VTCN1: variants seen among roughly 807,000 people sequenced by gnomAD.
VTCN1 encodes the protein V-set domain containing T cell activation inhibitor 1.
VTCN1 carries 26 observed loss-of-function variants against 26.5 expected under a neutral mutation model. That is an observed-to-expected ratio of 0.98 (90% CI 0.72 to 1.36). The LOEUF (loss-of-function observed/expected upper bound fraction) is 1.36, where lower values mean the gene tolerates loss of function less well. Ranked by LOEUF, VTCN1 falls within the 40% of genes most tolerant of loss-of-function variation. The probability of loss-of-function intolerance (pLI) is 0.00; values close to 1 mark genes in which losing one functional copy is unlikely to be tolerated. For missense variants in VTCN1, 298 were observed against 337.7 expected (o/e 0.88, Z 0.92); for synonymous variants, 116 against 130.7 (o/e 0.89, Z 0.77).
chr1:117,182,141 G>A (rs1308777128), intron 1 of VTCN1, among the ~76,000 whole-genome samples: 4 of 152,124 alleles, frequency 2.6e-5, no homozygotes, highest in East Asian at 1.9e-4. Context: ...TTCTCTCTAC[G>A]AAAGCCCATA....
chr1:117,156,395 T>C (rs1652069715), intron 3 of VTCN1, among the ~76,000 whole-genome samples, 179 bp downstream of exon 3: 1 of 152,240 alleles, frequency 6.6e-6, no homozygotes. Context: ...GCCTCTCTTA[T>C]AGTTGGCTAC....
At chr1:117,152,312 A>G (rs1251246976) in intron 4 of VTCN1, among the ~76,000 whole-genome samples, 1 of 152,190 alleles carries the variant, frequency 6.6e-6, no homozygotes, top group Non-Finnish European at 1.5e-5. Flanking sequence ...ATAATGTGTA[A>G]GGTATTTTGT....
In VTCN1 at chr1:117,210,917, T is replaced by G; in HGVS notation, c.-62A>C. 1 of 1,578,150 alleles carries G rather than the reference T, an allele frequency of 6.3e-7. No individual in the cohort carries two copies. The highest frequency in any genetic ancestry group is 8.7e-7 in the Non-Finnish European group (1 of 1,148,026). On this transcript the variant is annotated 5_prime_UTR_variant, in exon 1 of 6. Coordinates refer to ENST00000369458, the MANE Select transcript of VTCN1 (RefSeq NM_024626.4). ...TGAGTGGAGCTGCCGCTGCCTTCCTTGGTGACTCACAACCAGCTCCCGTGT... is the reference window on the plus strand; with the variant it reads ...TGAGTGGAGCTGCCGCTGCCTTCCTGGGTGACTCACAACCAGCTCCCGTGT...
chr1:117,192,008 G>GATATAT (rs34397281), intron 1 of VTCN1, among the ~76,000 whole-genome samples: 2,541 of 148,080 alleles, frequency 0.017, 46 homozygotes, highest in African/African-American at 0.039. Context: ...ATTCTTAGGA[G>GATATAT]ATATATAGAT....
chr1:117,153,881 G>C lies in VTCN1; in HGVS notation c.446-512C>G, dbSNP rs554457515. 3.3e-5 allele frequency among the ~76,000 whole-genome samples: 5 copies of C among 152,292 alleles called. No homozygotes were observed. In the South Asian group the frequency reaches 1.0e-3, roughly 32 times the overall value. Reference sequence around the variant, plus strand: ...TCACAGGGATTTGGAGTTTGCTTGGGTAGAGATTGTCCAGCTCTGGTATCC... The same window carrying C: ...TCACAGGGATTTGGAGTTTGCTTGGCTAGAGATTGTCCAGCTCTGGTATCC... On this transcript the variant is annotated intron_variant, in intron 3 of 5. Transcript: ENST00000369458.
At chr1:117,186,283 C>T (rs74111992) in intron 1 of VTCN1, among the ~76,000 whole-genome samples, 124 of 152,270 alleles carry the variant, frequency 8.1e-4, no homozygotes, top group Non-Finnish European at 1.3e-3. Flanking sequence ...TTAGAACAAT[C>T]GTATTAAATC....
rs750857654 is a variant in VTCN1, at chr1:117,147,696, C to T, written c.811G>A (p.Ala271Thr). ...AGGTAAGGGCTGAGAGGCAGAAGTG[C>T]CCAGCTGATGGCAAAGAAAGAAGAG... ...CVSSFFAISW[A>T]LLPLSPYLML... The change falls in exon 5 of 6, where the codon GCA (alanine) becomes ACA (threonine). Residue 271 changes from alanine to threonine, a missense_variant. Transcript: ENST00000369458. This position sits in a 1 kb window ranked among gnomAD's most constrained non-coding sequence, Gnocchi z 4.6. 1 of 1,613,944 alleles carries T rather than the reference C, an allele frequency of 6.2e-7. No homozygotes were observed. The highest frequency in any genetic ancestry group is 8.5e-7 in the Non-Finnish European group (1 of 1,179,922).
At chr1:117,162,433 A>T (rs1438586256) in intron 2 of VTCN1, among the ~76,000 whole-genome samples, 1 of 152,110 alleles carries the variant, frequency 6.6e-6, no homozygotes, top group Non-Finnish European at 1.5e-5. Flanking sequence ...CCTACTGACC[A>T]CCAGAGATTC....
Position 117,187,918 on chromosome 1 carries a change from T to A in VTCN1, c.33-17747A>T, listed in dbSNP as rs140360453. On this transcript the variant is annotated intron_variant, in intron 1 of 5. Transcript: ENST00000369458. ...AAAGGGGGGATCTTTGACAATCATT[T>A]CCATAATTCTTACCCACTTCACTCA... is the stretch of plus-strand genomic sequence containing the variant. Among the ~76,000 whole-genome samples, 589 of 152,280 alleles carry A rather than the reference T, an allele frequency of 3.9e-3. 12 individuals carry two copies. The highest frequency in any genetic ancestry group is 0.033 in the Admixed American group (509 of 15,300).
chr1:117,184,809 G>A (rs1482979110), intron 1 of VTCN1, among the ~76,000 whole-genome samples: 1 of 152,200 alleles, frequency 6.6e-6, no homozygotes, highest in African/African-American at 2.4e-5. Context: ...TGGATACCAA[G>A]CGTGTTGTGT....
At chr1:117,208,744 G>A (rs1164982007) in intron 1 of VTCN1, among the ~76,000 whole-genome samples, 1 of 152,152 alleles carries the variant, frequency 6.6e-6, no homozygotes, top group African/African-American at 2.4e-5. Context: ...GGCCAGGCAC[G>A]GTAAAATCTG....
chr1:117,154,783 CAAAAAAAAAAA>C (rs916361996), intron 3 of VTCN1, among the ~76,000 whole-genome samples: 7 of 39,896 alleles, frequency 1.8e-4, no homozygotes, highest in Non-Finnish European at 3.8e-4. Context: ...AACTCCATCT[CAAAAAAAAAAA>C]AAAAAAAAAG....
At chr1:117,199,316 A>G (rs554318763) in intron 1 of VTCN1, among the ~76,000 whole-genome samples, 3 of 152,150 alleles carry the variant, frequency 2.0e-5, no homozygotes, top group African/African-American at 7.2e-5. Context: ...ATCCTTTGAA[A>G]TTACCATTTT....
intron 1 of VTCN1, chr1:117,173,365 AACACACAC>A (rs140251705): frequency 1.3e-5 from 5 of 383,592 alleles, no homozygotes; most frequent in South Asian, 4.4e-5. Flanking sequence ...GACACAGATG[AACACACAC>A]ACACACACAC....
chr1:117,179,143 A>G (rs556672211), intron 1 of VTCN1, among the ~76,000 whole-genome samples: 4 of 152,222 alleles, frequency 2.6e-5, no homozygotes, highest in Non-Finnish European at 5.9e-5. Flanking sequence ...ACTCCGTACT[A>G]CGAACTATTT....
chr1:117,188,365 A>C (rs1160931542), intron 1 of VTCN1, among the ~76,000 whole-genome samples: 1 of 152,152 alleles, frequency 6.6e-6, no homozygotes, highest in African/African-American at 2.4e-5. Context: ...GTCCTCACCA[A>C]TAGGAATAAC....
Position 117,155,195 on chromosome 1 carries a change from G to T in VTCN1, c.445+1379C>A, listed in dbSNP as rs1489136723. ...TGAGGTTACAGGTTTTAGAGAGGAA[G>T]AGCACAGGAGGTAAAGTGCCCTTCC... is the stretch of plus-strand genomic sequence containing the variant. On this transcript the variant is annotated intron_variant, in intron 3 of 5. Coordinates refer to ENST00000369458, the MANE Select transcript of VTCN1 (RefSeq NM_024626.4). This position sits in a 1 kb window ranked among gnomAD's most constrained non-coding sequence, Gnocchi z 4.8. Among the ~76,000 whole-genome samples the T allele has an allele frequency of 6.6e-6, 1 of 152,162 alleles. No individual in the cohort carries two copies. Among genetic ancestry groups the T allele is most frequent in the Non-Finnish European group, 1.5e-5 (1 of 68,042 alleles).
At chr1:117,208,786 A>G (rs767659710) in intron 1 of VTCN1, among the ~76,000 whole-genome samples, 1 of 152,206 alleles carries the variant, frequency 6.6e-6, no homozygotes, top group Non-Finnish European at 1.5e-5. Context: ...AGCAGCATGC[A>G]TGCTGAGAGT....
intron 2 of VTCN1, among the ~76,000 whole-genome samples, chr1:117,168,688 C>G (rs1449986756): frequency 2.0e-5 from 3 of 151,964 alleles, no homozygotes; most frequent in Admixed American, 2.0e-4. Flanking sequence ...GAATTACCTA[C>G]AAATCAAAAA....
Sources: allele counts gnomAD v4.1 joint callset (sites outside exome capture counted in the v4.1 genomes callset), GRCh38; gene constraint gnomAD v4.1.1; non-coding constraint Gnocchi (gnomAD v3.1); transcripts MANE v1.5; gene names NCBI Gene and HGNC (gene_info 2026-07-23, HGNC 2026-07-21).